The following TGFA variants were observed in gnomAD, a reference collection of about 807,000 sequenced individuals.
TGFA encodes protransforming growth factor alpha.
In TGFA, 12 loss-of-function variants were observed where a neutral mutation model predicts 21.7. The observed-to-expected ratio is 0.55, with a 90% CI of 0.35 to 0.90. The LOEUF is 0.90. Ranked by LOEUF, TGFA falls within the 40% of genes least tolerant of loss-of-function variation. The pLI is 0.01. For synonymous variants in TGFA, 79 were observed against 88.1 expected (o/e 0.90, Z 0.58); for missense variants, 178 against 210.8 (o/e 0.84, Z 0.96).
intron 3 of TGFA, among the ~76,000 whole-genome samples, chr2:70,460,911 C>A (rs1670387945): frequency 6.6e-6 from 1 of 152,172 alleles, no homozygotes; most frequent in South Asian, 2.1e-4. Context: ...ACAGTAGCCA[C>A]TAGCTACCCT....
At chr2:70,542,745 C>T (rs1277960546) in intron 1 of TGFA, among the ~76,000 whole-genome samples, 1 of 152,218 alleles carries the variant, frequency 6.6e-6, no homozygotes, top group Non-Finnish European at 1.5e-5. Flanking sequence ...GCTATAACAA[C>T]TGTGGTATAT....
chr2:70,489,869 C>T (rs1310497031), intron 2 of TGFA, among the ~76,000 whole-genome samples: 1 of 152,184 alleles, frequency 6.6e-6, no homozygotes, highest in African/African-American at 2.4e-5. Flanking sequence ...GCATTTTAAC[C>T]AGGCCCCCAG....
chr2:70,508,071 A>G (rs1445900937), intron 2 of TGFA, among the ~76,000 whole-genome samples: 2 of 152,228 alleles, frequency 1.3e-5, no homozygotes, highest in Admixed American at 1.3e-4. Flanking sequence ...ATAAGAAAAG[A>G]GCTGTTGTTT....
At chr2:70,469,975 G>A (rs1370667273) in intron 2 of TGFA, among the ~76,000 whole-genome samples, 1 of 152,110 alleles carries the variant, frequency 6.6e-6, no homozygotes, top group Admixed American at 6.6e-5. Context: ...AATGACATGA[G>A]GTGGTGTTAT....
intron 2 of TGFA, among the ~76,000 whole-genome samples, chr2:70,485,792 G>A (rs1188974714): frequency 6.6e-6 from 1 of 152,008 alleles, no homozygotes; most frequent in Non-Finnish European, 1.5e-5. Flanking sequence ...TTCATATATT[G>A]CATTTATACA....
chr2:70,464,150 C>T (rs781937588), intron 3 of TGFA, among the ~76,000 whole-genome samples: 1 of 152,210 alleles, frequency 6.6e-6, no homozygotes, highest in African/African-American at 2.4e-5. Context: ...TCTCCTGGTC[C>T]CCAGGCTCCT....
In TGFA at chr2:70,449,310, G is replaced by T. The variant is rs962594307; in HGVS notation, c.*1549C>A. On this transcript the variant is annotated 3_prime_UTR_variant, in exon 6 of 6. Transcript: ENST00000295400. ...AACATATTTTAAATGTACCTTTCAC[G>T]ATGTAATAAGCTAGGTGCACTTAAG... is the stretch of plus-strand genomic sequence containing the variant. 1 of 152,288 alleles carries T rather than the reference G, an allele frequency of 6.6e-6. No homozygotes were observed. The highest frequency in any genetic ancestry group is 6.5e-5 in the Admixed American group (1 of 15,280). 9.4% of individuals were successfully genotyped at this position (152,288 alleles called of 1,614,324 possible).
At chr2:70,466,758 A>G (rs1270936324) in intron 2 of TGFA, among the ~76,000 whole-genome samples, 3 of 152,222 alleles carry the variant, frequency 2.0e-5, no homozygotes, top group Admixed American at 2.0e-4. Context: ...GCCTATTCAC[A>G]ATGGTAAAGA....
chr2:70,522,664 A>G (rs2103879144), intron 1 of TGFA, among the ~76,000 whole-genome samples: 1 of 152,198 alleles, frequency 6.6e-6, no homozygotes, highest in Admixed American at 6.5e-5. Context: ...TAAACTCCCG[A>G]CCTTAAGTGA....
chr2:70,549,311 G>A (rs1325172689), intron 1 of TGFA, among the ~76,000 whole-genome samples: 3 of 152,154 alleles, frequency 2.0e-5, no homozygotes, highest in Admixed American at 6.5e-5. Flanking sequence ...ATTTACAAGC[G>A]TCTGAACGTA....
chr2:70,483,513 T>A (rs1256245276), intron 2 of TGFA, among the ~76,000 whole-genome samples: 2 of 152,244 alleles, frequency 1.3e-5, no homozygotes, highest in Non-Finnish European at 2.9e-5. Flanking sequence ...TTTACTAGGA[T>A]ACTCACTCAA....
At chr2:70,478,450 G>A (rs2103744888) in intron 2 of TGFA, among the ~76,000 whole-genome samples, 2 of 151,936 alleles carry the variant, frequency 1.3e-5, no homozygotes, top group South Asian at 4.2e-4. Context: ...TCTCCAAATG[G>A]CCATGATCAT....
At chr2:70,514,720 G>A in intron 2 of TGFA, 139 bp downstream of exon 2, 1 of 905,502 alleles carries the variant, frequency 1.1e-6, no homozygotes, top group South Asian at 1.4e-5. Context: ...TCGCCCCTGA[G>A]GAGGGGGCAG....
intron 1 of TGFA, among the ~76,000 whole-genome samples, chr2:70,547,945 A>T (rs1048261748): frequency 1.3e-5 from 2 of 151,238 alleles, no homozygotes; most frequent in South Asian, 4.2e-4. Flanking sequence ...TGAATCAGTT[A>T]TCTTTCCATG....
chr2:70,532,997 G>A (rs1267770046), intron 1 of TGFA, among the ~76,000 whole-genome samples: 1 of 151,848 alleles, frequency 6.6e-6, no homozygotes, highest in African/African-American at 2.4e-5. Flanking sequence ...AAGTAGCTGG[G>A]GTGACAGATG....
intron 1 of TGFA, among the ~76,000 whole-genome samples, chr2:70,538,860 T>G (rs1271142549): frequency 1.3e-5 from 2 of 152,194 alleles, no homozygotes; most frequent in Non-Finnish European, 2.9e-5. Flanking sequence ...AGTTCTGCTA[T>G]GAGTAAAATG....
In TGFA at chr2:70,514,871, A is replaced by T. The variant is rs1476246950; in HGVS notation, c.82T>A (p.Ser28Thr). ...AACQALENST[S>T]PLSADPPVAA... ...CAGCTGCACTCACCACTCAGCGGGG[A>T]CGTGCTGTTCTCCAAGGCCTGGCAC... Residue 28 changes from serine to threonine, a missense_variant, in exon 2 of 6, where the codon TCC (serine) becomes ACC (threonine). Transcript: ENST00000295400. 1 of 1,613,846 alleles carries T rather than the reference A, an allele frequency of 6.2e-7. No individual in the cohort carries two copies. Among genetic ancestry groups the T allele is most frequent in the African/African-American group, 1.3e-5 (1 of 74,912 alleles).
At position 70,449,809 on chromosome 2, in the gene TGFA, C is replaced by CTAT. The variant is rs1669994586; in HGVS notation, c.*1047_*1049dup. On this transcript the variant is annotated 3_prime_UTR_variant, in exon 6 of 6. Coordinates refer to ENST00000295400, the MANE Select transcript of TGFA (RefSeq NM_003236.4). ...ATGCCTATGGCTCGTGGCTAATGTTCTATTTCTAAACATACTTACCGAGGG... is the reference window on the plus strand; with the variant it reads ...ATGCCTATGGCTCGTGGCTAATGTTCTATTATTTCTAAACATACTTACCGAGGG... 5.3e-6 allele frequency: 1 copy of CTAT among 188,806 alleles called. No individual in the cohort carries two copies. The highest frequency in any genetic ancestry group is 2.3e-5 in the African/African-American group (1 of 42,640). The allele number at this position is 188,806 out of a possible 1,614,324, so 11.7% of individuals were successfully genotyped here. A position where few individuals can be genotyped will look rare whatever the true frequency, so the allele number is the denominator to read the frequency against.
chr2:70,473,782 A>T (rs1157361278), intron 2 of TGFA, among the ~76,000 whole-genome samples: 1 of 152,182 alleles, frequency 6.6e-6, no homozygotes, highest in Non-Finnish European at 1.5e-5. Context: ...ATATAAAACC[A>T]TTTGAAAACA....
Sources: gnomAD v4.1 joint callset for allele counts (sites outside exome capture counted in the v4.1 genomes callset) on GRCh38, gnomAD v4.1.1 for gene constraint, MANE v1.5 for transcripts, NCBI Gene and HGNC (gene_info 2026-07-23, HGNC 2026-07-21) for gene names.